Variants in DYNC1I2 observed in about 807,000 individuals in gnomAD.
DYNC1I2 encodes the protein dynein cytoplasmic 1 intermediate chain 2, also known as cytoplasmic dynein 1 intermediate chain 2.
A neutral mutation model predicts 88.6 loss-of-function variants in DYNC1I2; 53 were observed. The ratio of observed to expected loss-of-function variants is 0.60; its 90% CI spans 0.48 to 0.75. DYNC1I2 has a LOEUF of 0.75. DYNC1I2 is among the 30% of genes least tolerant of loss of function. DYNC1I2 has a pLI of 0.00. For missense variants in DYNC1I2, 458 were observed against 766.6 expected (o/e 0.60, Z 4.75); for synonymous variants, 198 against 254.6 (o/e 0.78, Z 2.12).
At chr2:171,729,666 CTTATAGGAGACTTCTCTAACA>C (rs764522077) in intron 14 of DYNC1I2, 22 bp from the exon 15 acceptor site, 21 of 1,607,872 alleles carry the variant, frequency 1.3e-5, no homozygotes, top group Non-Finnish European at 1.6e-5. Context: ...AATTGGTCTA[CTTATAGGAGACTTCTCTAACA>C]TTTTCACTTT....
intron 17 of DYNC1I2, 115 bp from the exon 18 acceptor site, chr2:171,747,661 A>G (rs1161560150): frequency 1.5e-6 from 1 of 650,040 alleles, no homozygotes; most frequent in Non-Finnish European, 2.6e-6. Context: ...TGGAAAGGCC[A>G]TTCAGGTCAA....
intron 15 of DYNC1I2, among the ~76,000 whole-genome samples, chr2:171,737,322 A>G (rs961219212): frequency 1.3e-5 from 2 of 152,184 alleles, no homozygotes; most frequent in Non-Finnish European, 1.5e-5. Context: ...TACATCTGCA[A>G]AGGCCCTGTT....
intron 3 of DYNC1I2, among the ~76,000 whole-genome samples, chr2:171,700,151 C>A (rs929326063): frequency 6.6e-6 from 1 of 152,000 alleles, no homozygotes; most frequent in Non-Finnish European, 1.5e-5. Flanking sequence ...CATGGTGGTT[C>A]GTTCACATGG....
At chr2:171,736,988 C>T (rs1057126658) in intron 15 of DYNC1I2, among the ~76,000 whole-genome samples, 1 of 152,166 alleles carries the variant, frequency 6.6e-6, no homozygotes, top group Non-Finnish European at 1.5e-5. Flanking sequence ...TAACAAATTA[C>T]CACAAACTGG....
intron 10 of DYNC1I2, chr2:171,726,517 T>C: frequency 1.8e-6 from 1 of 548,592 alleles, no homozygotes; most frequent in South Asian, 3.1e-5. Context: ...CAGGCCAGTT[T>C]TACTAATTTC....
chr2:171,692,486 A>G (rs1685469346), intron 2 of DYNC1I2, among the ~76,000 whole-genome samples: 1 of 152,274 alleles, frequency 6.6e-6, no homozygotes, highest in East Asian at 1.9e-4. Context: ...CATACTGTAG[A>G]TAATTCGAAG....
Position 171,728,854 on chromosome 2 carries a change from A to T in DYNC1I2, c.1391+4A>T. On this transcript the variant is annotated splice_donor_region_variant and intron_variant, in intron 14 of 17. Transcript: ENST00000397119. ...ACACAGCATGCCGCCATGGCAGGTA[A>T]ACCTAAACTGGAATTTGCAATAATT... 1 of 1,602,100 alleles carries T rather than the reference A, an allele frequency of 6.2e-7. No homozygotes were observed.
Position 171,717,141 on chromosome 2 carries a change from CTTT to C in DYNC1I2, c.511+1715_511+1717del, listed in dbSNP as rs71013068. Reference sequence around the variant, plus strand: ...TATAACATTTTTGTTCAAGTATTTTCTTTTTTTTTTTTTTTTTTTGAGATGGAG... The same window carrying C: ...TATAACATTTTTGTTCAAGTATTTTCTTTTTTTTTTTTTTTTGAGATGGAG... On this transcript the variant is annotated intron_variant, in intron 7 of 17. Transcript: ENST00000397119. Among the ~76,000 whole-genome samples the C allele has an allele frequency of 1.6e-3, 164 of 102,286 alleles. No individual in the cohort carries two copies. In the East Asian group the frequency reaches 0.022, roughly 13 times the overall value. 67.1% of individuals were successfully genotyped at this position (102,286 alleles called of 152,430 possible).
At chr2:171,721,142 AAAAAAG>A (rs1212533777) in intron 7 of DYNC1I2, among the ~76,000 whole-genome samples, 1 of 150,984 alleles carries the variant, frequency 6.6e-6, no homozygotes, top group Non-Finnish European at 1.5e-5. Flanking sequence ...AAAAAAAAAA[AAAAAAG>A]AACTACAGAG....
chr2:171,700,627 T>C (rs1000532082), intron 3 of DYNC1I2, among the ~76,000 whole-genome samples: 3 of 146,152 alleles, frequency 2.1e-5, no homozygotes, highest in Non-Finnish European at 4.4e-5. Context: ...CTAGTTTTTT[T>C]GTTTTTTGTT....
In DYNC1I2 at chr2:171,748,826, T is replaced by G. The variant is rs1689954511; in HGVS notation, c.*937T>G. ...CAAAGTGCTCAAATGGACCCATACT[T>G]TGGCATTAAAATCTACATCTTGAGA... is the stretch of plus-strand genomic sequence containing the variant. On this transcript the variant is annotated 3_prime_UTR_variant, in exon 18 of 18. Coordinates refer to ENST00000397119, the MANE Select transcript of DYNC1I2 (RefSeq NM_001378.3). 6.6e-6 allele frequency among the ~76,000 whole-genome samples: 1 copy of G among 152,202 alleles called. No homozygotes were observed. Among genetic ancestry groups the G allele is most frequent in the African/African-American group, 2.4e-5 (1 of 41,476 alleles).
Position 171,712,838 on chromosome 2 carries a change from A to G in DYNC1I2, c.395+12A>G. On this transcript the variant is annotated intron_variant, in intron 6 of 17. Transcript: ENST00000397119. ...GATTCCGATTTGGGGTATTGAATAG[A>G]TTTTTTACCTTCCCTGTTTTATAAT... 1.2e-6 allele frequency: 2 copies of G among 1,606,004 alleles called. No homozygotes were observed. The highest frequency in any genetic ancestry group is 1.7e-6 in the Non-Finnish European group (2 of 1,173,308).
chr2:171,734,240 G>C (rs1688849137), intron 15 of DYNC1I2, among the ~76,000 whole-genome samples: 1 of 152,022 alleles, frequency 6.6e-6, no homozygotes, highest in Non-Finnish European at 1.5e-5. Flanking sequence ...TTAAATTTGA[G>C]GCTTCCATCC....
chr2:171,693,047 A>G, intron 3 of DYNC1I2, 153 bp downstream of exon 3: 1 of 636,736 alleles, frequency 1.6e-6, no homozygotes, highest in Non-Finnish European at 2.8e-6. Flanking sequence ...TTTTTCAGAT[A>G]TGCTAGTACA....
chr2:171,724,401 C>G (rs892617721), intron 7 of DYNC1I2, among the ~76,000 whole-genome samples: 1 of 152,100 alleles, frequency 6.6e-6, no homozygotes, highest in Non-Finnish European at 1.5e-5. Context: ...TTGCACAGGC[C>G]TGCCATTGGG....
chr2:171,709,557 T>C (rs780485233), intron 5 of DYNC1I2, among the ~76,000 whole-genome samples: 1 of 152,224 alleles, frequency 6.6e-6, no homozygotes, highest in Non-Finnish European at 1.5e-5. Flanking sequence ...GTGCTATGTT[T>C]AGTGTGAAGC....
chr2:171,745,944 C>T lies in DYNC1I2; in HGVS notation c.1803+17C>T. The T allele has an allele frequency of 6.2e-7, 1 of 1,612,586 alleles. No individual in the cohort carries two copies. Among genetic ancestry groups the T allele is most frequent in the East Asian group, 2.2e-5 (1 of 44,826 alleles). On this transcript the variant is annotated intron_variant, in intron 17 of 17. Coordinates refer to ENST00000397119, the MANE Select transcript of DYNC1I2 (RefSeq NM_001378.3). ...GTGGGAGAGGTATGGGACTCCCTGC[C>T]TGTAATTTTGACACATCGATTTAGT...
At chr2:171,741,392 A>G (rs1372210852) in intron 15 of DYNC1I2, among the ~76,000 whole-genome samples, 1 of 152,234 alleles carries the variant, frequency 6.6e-6, no homozygotes, top group Admixed American at 6.5e-5. Context: ...TACATTCCCC[A>G]GCAAGGTATG....
At chr2:171,743,261 T>C (rs1689568600) in intron 15 of DYNC1I2, among the ~76,000 whole-genome samples, 1 of 152,206 alleles carries the variant, frequency 6.6e-6, no homozygotes, top group African/African-American at 2.4e-5. Flanking sequence ...AAGGTCTTCA[T>C]CCTTATCATC....
Sources: allele counts gnomAD v4.1 joint callset (sites outside exome capture counted in the v4.1 genomes callset), GRCh38; gene constraint gnomAD v4.1.1; transcripts MANE v1.5; gene names NCBI Gene and HGNC (gene_info 2026-07-23, HGNC 2026-07-21).